The following FER1L6 variants were observed in gnomAD, a reference collection of about 807,000 sequenced individuals.
FER1L6 encodes fer-1 like family member 6.
Under a neutral mutation model 219.2 loss-of-function variants are expected in FER1L6, and 177 were observed. That is an observed-to-expected ratio of 0.81 (90% CI 0.71 to 0.91). The LOEUF (loss-of-function observed/expected upper bound fraction) is 0.91, where lower values mean the gene tolerates loss of function less well. Among genes scored for constraint, FER1L6 ranks in the 40% least tolerant of loss-of-function variants. The pLI is 0.00. For synonymous variants in FER1L6, 768 were observed against 824.3 expected, an observed-to-expected ratio of 0.93 and a Z score of 1.17; for missense variants, 2,153 against 2,259.9, an observed-to-expected ratio of 0.95 and a Z score of 0.96.
At chr8:123,922,127 C>A (rs1045122181) in intron 1 of FER1L6, among the ~76,000 whole-genome samples, 7 of 152,192 alleles carry the variant, frequency 4.6e-5, no homozygotes, top group Admixed American at 3.9e-4. Context: ...TTGCAAGGAG[C>A]CTTTTTCATG....
chr8:123,954,517 C>T (rs982184200), intron 1 of FER1L6, among the ~76,000 whole-genome samples: 1 of 152,200 alleles, frequency 6.6e-6, no homozygotes, highest in African/African-American at 2.4e-5. Flanking sequence ...CATCTATCTC[C>T]TAGAGCCTTC....
At chr8:123,944,987 A>C (rs1167169389) in intron 1 of FER1L6, among the ~76,000 whole-genome samples, 1 of 152,196 alleles carries the variant, frequency 6.6e-6, no homozygotes, top group Non-Finnish European at 1.5e-5. Flanking sequence ...TATAAGTTCA[A>C]TATATGGATT....
rs570963982 is a variant in FER1L6 at position 124,111,303 on chromosome 8, C to A, written c.5290-7541C>A. On this transcript the variant is annotated intron_variant, in intron 39 of 40. Transcript: ENST00000522917. This position sits in a 1 kb window ranked among gnomAD's most constrained non-coding sequence, Gnocchi z 5.0. ...AAGGGAAAATAAGAATTGACTTCAT[C>A]TTCATGCATACCAGTGGCCCATGGT... Among the ~76,000 whole-genome samples the A allele has an allele frequency of 1.8e-4, 27 of 152,178 alleles. No homozygotes were observed. Among genetic ancestry groups the A allele is most frequent in the Non-Finnish European group, 3.1e-4 (21 of 68,042 alleles).
intron 25 of FER1L6, among the ~76,000 whole-genome samples, chr8:124,062,547 A>G (rs549278111): frequency 6.6e-6 from 1 of 152,188 alleles, no homozygotes; most frequent in African/African-American, 2.4e-5. Context: ...TATAATTTTC[A>G]TTTGTTTTCC....
intron 25 of FER1L6, among the ~76,000 whole-genome samples, chr8:124,063,668 AC>A (rs888358313): frequency 3.3e-5 from 5 of 152,280 alleles, no homozygotes; most frequent in East Asian, 1.9e-4. Context: ...TGGAGTAGAT[AC>A]CCATAAGAGT....
At chr8:123,902,222 C>G (rs1041515875) in intron 1 of FER1L6, among the ~76,000 whole-genome samples, 2 of 152,216 alleles carry the variant, frequency 1.3e-5, no homozygotes, top group African/African-American at 4.8e-5. Flanking sequence ...ATTTTATGGC[C>G]TATCACATGG....
At chr8:123,890,919 G>C (rs899849310) in intron 1 of FER1L6, among the ~76,000 whole-genome samples, 1 of 152,014 alleles carries the variant, frequency 6.6e-6, no homozygotes, top group Non-Finnish European at 1.5e-5. Flanking sequence ...TCAATAATTT[G>C]AGTTGGTTTC....
intron 11 of FER1L6, among the ~76,000 whole-genome samples, chr8:123,981,377 G>A (rs1816321104): frequency 6.6e-6 from 1 of 152,194 alleles, no homozygotes; most frequent in Non-Finnish European, 1.5e-5. Context: ...GACTCTAAGA[G>A]GAATACAAAT....
chr8:123,917,828 TACAC>T (rs2129807926), intron 1 of FER1L6, among the ~76,000 whole-genome samples: 1 of 152,356 alleles, frequency 6.6e-6, no homozygotes, highest in East Asian at 1.9e-4. Flanking sequence ...ATTATCAACA[TACAC>T]AGGAAGTTTT....
chr8:123,969,716 A>G (rs896291705), intron 5 of FER1L6, among the ~76,000 whole-genome samples: 6 of 151,918 alleles, frequency 3.9e-5, no homozygotes, highest in African/African-American at 1.2e-4. Flanking sequence ...TAAAAAAAAA[A>G]TTATCCAGGT....
chr8:124,069,376 G>A lies in FER1L6; in HGVS notation c.3735G>A (p.Glu1245=). ...KKGNTEAKPD[E]VVVDIEDGPK... is the part of the protein sequence containing the mutation. ...TATCCACAGAGGCAAAGCCAGATGA[G>A]GTAGTGGTAGATATAGAAGATGGGC... The change falls in exon 29 of 41, where the codon GAG becomes GAA. Residue 1245 remains glutamate (E), a synonymous_variant. Coordinates refer to ENST00000522917, the MANE Select transcript of FER1L6 (RefSeq NM_001039112.2). 1 of 1,612,288 alleles carries A rather than the reference G, an allele frequency of 6.2e-7. No individual in the cohort carries two copies. The highest frequency in any genetic ancestry group is 8.5e-7 in the Non-Finnish European group (1 of 1,179,284).
chr8:123,882,561 T>A (rs996405681), intron 1 of FER1L6, among the ~76,000 whole-genome samples: 1 of 152,170 alleles, frequency 6.6e-6, no homozygotes, highest in Non-Finnish European at 1.5e-5. Flanking sequence ...ATAGACAAGA[T>A]GTCTTCACAG....
chr8:123,921,832 G>C (rs926455308), intron 1 of FER1L6, among the ~76,000 whole-genome samples: 1 of 152,070 alleles, frequency 6.6e-6, no homozygotes, highest in Admixed American at 6.5e-5. Context: ...AAAGGGGTTA[G>C]TGTAGAGGCC....
At chr8:124,043,900 G>A (rs551388071) in intron 20 of FER1L6, among the ~76,000 whole-genome samples, 42 of 152,318 alleles carry the variant, frequency 2.8e-4, no homozygotes, top group African/African-American at 9.1e-4. Flanking sequence ...AGGACAGGTC[G>A]ATACGCACTT....
chr8:124,057,070 C>A (rs937832129), intron 22 of FER1L6, among the ~76,000 whole-genome samples: 2 of 151,968 alleles, frequency 1.3e-5, no homozygotes, highest in East Asian at 1.9e-4. Context: ...AAACAAAAAA[C>A]CTTCCAGTAG....
chr8:124,075,595 CATT>C (rs1370746130), intron 31 of FER1L6, among the ~76,000 whole-genome samples: 8 of 152,170 alleles, frequency 5.3e-5, no homozygotes, highest in Non-Finnish European at 1.0e-4. Context: ...CCAGTAACAT[CATT>C]ATTTATTGTC....
intron 13 of FER1L6, among the ~76,000 whole-genome samples, chr8:124,009,927 G>A (rs938594995): frequency 5.3e-5 from 8 of 151,928 alleles, no homozygotes; most frequent in Non-Finnish European, 1.0e-4. Context: ...TCTTGTTCTA[G>A]TTTGAGGGTC....
chr8:123,888,121 T>G (rs1817238947), intron 1 of FER1L6, among the ~76,000 whole-genome samples: 1 of 151,428 alleles, frequency 6.6e-6, no homozygotes, highest in East Asian at 1.9e-4. Flanking sequence ...TATTCTCTTT[T>G]TTTTTCTTTT....
At chr8:124,094,794 A>T in intron 34 of FER1L6, 102 bp from the exon 35 acceptor site, 1 of 1,302,696 alleles carries the variant, frequency 7.7e-7, no homozygotes, top group Non-Finnish European at 1.1e-6. Flanking sequence ...GCCCCTTGGT[A>T]CATTTAAATA....
Sources: allele counts gnomAD v4.1 joint callset (sites outside exome capture counted in the v4.1 genomes callset), GRCh38; gene constraint gnomAD v4.1.1; non-coding constraint Gnocchi (gnomAD v3.1); transcripts MANE v1.5; gene names NCBI Gene and HGNC (gene_info 2026-07-23, HGNC 2026-07-21).